TBL1X: variants seen among roughly 807,000 people sequenced by gnomAD.
TBL1X encodes the protein transducin beta like 1 X-linked, also known as F-box-like/WD repeat-containing protein TBL1X.
Under a neutral mutation model 50.7 loss-of-function variants are expected in TBL1X, and 10 were observed. The observed-to-expected ratio is 0.20, with a 90% CI of 0.12 to 0.33. The LOEUF (loss-of-function observed/expected upper bound fraction) is 0.33. Ranked by LOEUF, TBL1X falls within the 10% of genes least tolerant of loss-of-function variation. The pLI is 1.00. For missense variants in TBL1X, 340 were observed against 504.4 expected (o/e 0.67, Z 3.12); for synonymous variants, 190 against 214.7 (o/e 0.88, Z 1.01).
intron 1 of TBL1X, among the ~76,000 whole-genome samples, chrX:9,494,884 A>T (rs905589122): frequency 5.3e-5 from 6 of 112,225 alleles, no homozygotes; most frequent in Non-Finnish European, 9.4e-5. Context: ...GGAGTTGTAA[A>T]ACAGGAAGGA....
chrX:9,504,810 C>T (rs1356879472), intron 2 of TBL1X, among the ~76,000 whole-genome samples: 1 of 111,625 alleles, frequency 9.0e-6, no homozygotes, highest in Non-Finnish European at 1.9e-5. Flanking sequence ...TATGGGACCT[C>T]ATAAAAAGAC....
At chrX:9,672,828 T>C (rs745766879) in intron 5 of TBL1X, among the ~76,000 whole-genome samples, 1 of 112,697 alleles carries the variant, frequency 8.9e-6, no homozygotes, top group African/African-American at 3.2e-5. Flanking sequence ...GCTTCCTCTA[T>C]CCTGTGATTA....
At chrX:9,581,102 A>T (rs1478398825) in intron 2 of TBL1X, among the ~76,000 whole-genome samples, 1 of 111,757 alleles carries the variant, frequency 8.9e-6, no homozygotes, top group African/African-American at 3.3e-5. Context: ...CATTGTTATT[A>T]AAAAACTAAG....
At chrX:9,630,669 G>A (rs1005960344) in intron 2 of TBL1X, among the ~76,000 whole-genome samples, 8 of 110,220 alleles carry the variant, frequency 7.3e-5, no homozygotes, top group African/African-American at 2.3e-4. Context: ...CCTTCCTCCC[G>A]GGCTCAGGTG....
intron 5 of TBL1X, among the ~76,000 whole-genome samples, chrX:9,674,679 A>G (rs1196847276): frequency 9.5e-4 from 1 of 1,051 alleles, no homozygotes; most frequent in African/African-American, 3.7e-3. Context: ...CTCCCGCCTC[A>G]GCCCCCCCCC....
At chrX:9,597,042 A>G (rs2082530188) in intron 2 of TBL1X, among the ~76,000 whole-genome samples, 1 of 111,570 alleles carries the variant, frequency 9.0e-6, no homozygotes, top group Non-Finnish European at 1.9e-5. Flanking sequence ...TGCTGAGGTC[A>G]TGAATATTTG....
intron 11 of TBL1X, among the ~76,000 whole-genome samples, chrX:9,694,215 G>C (rs2083116666): frequency 1.1e-5 from 1 of 90,909 alleles, no homozygotes; most frequent in African/African-American, 4.1e-5. Flanking sequence ...CTTTGGAAAA[G>C]AAGCATTATC....
Position 9,565,271 on chromosome X carries a change from C to CAAA in TBL1X, c.-131+63442_-131+63444dup, listed in dbSNP as rs757679440. Among the ~76,000 whole-genome samples, 150 of 37,384 alleles carry CAAA rather than the reference C, an allele frequency of 4.0e-3. 7 individuals are homozygous for CAAA. The highest frequency in any genetic ancestry group is 0.015 in the African/African-American group (137 of 9,000). The allele number at this position is 37,384 out of a possible 115,157, so 32.5% of individuals were successfully genotyped here. A position where few individuals can be genotyped will look rare whatever the true frequency, so the allele number is the denominator to read the frequency against. On this transcript the variant is annotated intron_variant, in intron 2 of 17. Coordinates refer to ENST00000645353, the MANE Select transcript of TBL1X (RefSeq NM_005647.4). The stretch of plus-strand genomic sequence containing the variant: ...TGGGTGGCAGAGCGAGACTCCGTCT[C>CAAA]AAAAAAAAAAAAAAAAAAAAAATCA...
chrX:9,618,799 A>T (rs1029152584), intron 2 of TBL1X, among the ~76,000 whole-genome samples: 6 of 112,632 alleles, frequency 5.3e-5, no homozygotes, highest in Admixed American at 2.8e-4. Context: ...TATGTGCATA[A>T]ATGAATTTTT....
chrX:9,623,975 A>G lies in TBL1X; in HGVS notation c.-130-16298A>G, dbSNP rs2082680034. Among the ~76,000 whole-genome samples, 3 of 112,239 alleles carry G rather than the reference A, an allele frequency of 2.7e-5. No homozygotes were observed. The Admixed American group carries it at 2.8e-4, about 11-fold the overall frequency. On this transcript the variant is annotated intron_variant, in intron 2 of 17. Transcript: ENST00000645353. ...AACCCATTTGCATCTTGCTTATTTCAGGTACATTTCCTTTCCTGTTTATAA... is the reference window on the plus strand; with the variant it reads ...AACCCATTTGCATCTTGCTTATTTCGGGTACATTTCCTTTCCTGTTTATAA...
chrX:9,539,161 A>G (rs1285502772), intron 2 of TBL1X, among the ~76,000 whole-genome samples: 1 of 112,345 alleles, frequency 8.9e-6, no homozygotes, highest in Non-Finnish European at 1.9e-5. Context: ...GGCACATTGC[A>G]TACTTGATTA....
At chrX:9,639,890 A>C (rs1191007721) in intron 2 of TBL1X, 1 of 112,290 alleles carries the variant, frequency 8.9e-6, no homozygotes, top group Non-Finnish European at 1.9e-5. Flanking sequence ...GCCCTGTTCC[A>C]AAAACTGATA....
At chrX:9,619,931 A>G (rs778977267) in intron 2 of TBL1X, among the ~76,000 whole-genome samples, 1 of 112,591 alleles carries the variant, frequency 8.9e-6, no homozygotes, top group Non-Finnish European at 1.9e-5. Flanking sequence ...AGACGCCTTT[A>G]CAAGAACTAG....
At chrX:9,504,766 T>C (rs1485262971) in intron 2 of TBL1X, among the ~76,000 whole-genome samples, 19 of 110,864 alleles carry the variant, frequency 1.7e-4, no homozygotes, top group African/African-American at 5.9e-4. Flanking sequence ...CAGACAAGAA[T>C]AGAGAAAAAA....
At chrX:9,557,767 G>GA (rs2082307530) in intron 2 of TBL1X, among the ~76,000 whole-genome samples, 1 of 111,790 alleles carries the variant, frequency 8.9e-6, no homozygotes, top group Non-Finnish European at 1.9e-5. Flanking sequence ...CATGACAAGG[G>GA]AGTGATGCCA....
intron 2 of TBL1X, among the ~76,000 whole-genome samples, chrX:9,529,957 G>A (rs896779161): frequency 1.8e-5 from 2 of 110,184 alleles, no homozygotes; most frequent in Non-Finnish European, 3.8e-5. Context: ...GAGAGAGATA[G>A]AAAGAGAGAA....
chrX:9,703,797 C>T (rs776165024), intron 12 of TBL1X, among the ~76,000 whole-genome samples: 34 of 111,895 alleles, frequency 3.0e-4, no homozygotes, highest in African/African-American at 1.0e-3. Flanking sequence ...TCCAGGAAGC[C>T]GTCAACCTGC....
chrX:9,611,121 AC>A (rs2082611455), intron 2 of TBL1X, among the ~76,000 whole-genome samples: 1 of 94,538 alleles, frequency 1.1e-5, no homozygotes, highest in Non-Finnish European at 2.1e-5. Flanking sequence ...GTGTATGGAA[AC>A]TGTGAATGGA....
At chrX:9,464,355 C>A (rs1192914298), upstream of TBL1X, among the ~76,000 whole-genome samples, 1 of 111,794 alleles carries the variant, frequency 8.9e-6, no homozygotes, top group Non-Finnish European at 1.9e-5. Context: ...GAGTTCCTGG[C>A]GCCTATGCCT....
Sources: allele counts gnomAD v4.1 joint callset (sites outside exome capture counted in the v4.1 genomes callset), GRCh38; gene constraint gnomAD v4.1.1; transcripts MANE v1.5; gene names NCBI Gene and HGNC (gene_info 2026-07-23, HGNC 2026-07-21).